DCLK2: variants seen among roughly 807,000 people sequenced by gnomAD.
DCLK2 encodes doublecortin like kinase 2.
A neutral mutation model predicts 78.4 loss-of-function variants in DCLK2; 31 were observed. That is an observed-to-expected ratio of 0.40 (90% confidence interval 0.30 to 0.53). The LOEUF is 0.53. Ranked by LOEUF, DCLK2 falls within the 20% of genes least tolerant of loss-of-function variation. The pLI, the probability that DCLK2 is intolerant of heterozygous loss-of-function variation, is 0.61. For synonymous variants in DCLK2, 407 were observed against 374.9 expected, an observed-to-expected ratio of 1.09 and a Z score of -0.99; for missense variants, 872 against 973.7, an observed-to-expected ratio of 0.90 and a Z score of 1.39.
chr4:150,151,826 G>A (rs1734916582), intron 2 of DCLK2, among the ~76,000 whole-genome samples: 1 of 152,098 alleles, frequency 6.6e-6, no homozygotes, highest in South Asian at 2.1e-4. Flanking sequence ...TCGGGAGGCT[G>A]AGGCAGGAGA....
chr4:150,181,958 T>A (rs1056874284), intron 2 of DCLK2, among the ~76,000 whole-genome samples: 1 of 152,204 alleles, frequency 6.6e-6, no homozygotes, highest in Non-Finnish European at 1.5e-5. Flanking sequence ...AATTTGTTTA[T>A]CTGGTTGTTG....
At position 150,079,324 on chromosome 4, in the gene DCLK2, C is replaced by G. The variant is rs61744627; in HGVS notation, c.297C>G (p.Phe99Leu). ...TCTCCAGCGACCGCTTCCGGTCCTT[C>G]GATGCGCTCCTCATAGAGCTCACCC... ...FAISSDRFRSFDALLIELTRS... is the reference protein window; with the variant it reads ...FAISSDRFRSLDALLIELTRS... Residue 99 changes from phenylalanine to leucine, a missense_variant, in exon 1 of 16, where the codon TTC becomes TTG. Physicochemically the swap from Phe to Leu is conservative, Grantham distance 22. Around this residue, in one of 3 missense-constraint regions of DCLK2, gnomAD observed 567 missense variants for 593.4 expected, o/e 0.96. Transcript: ENST00000296550. 6.9e-6 allele frequency: 11 copies of G among 1,589,778 alleles called. No homozygotes were observed. In the South Asian group the frequency reaches 1.3e-4, roughly 18 times the overall value.
intron 4 of DCLK2, chr4:150,199,157 C>A: frequency 7.6e-7 from 1 of 1,318,002 alleles, no homozygotes; most frequent in Non-Finnish European, 1.1e-6. Context: ...TTTCCTTTTG[C>A]TCCATTTCCA....
intron 2 of DCLK2, among the ~76,000 whole-genome samples, chr4:150,163,449 T>C (rs1000025310): frequency 7.9e-5 from 12 of 152,214 alleles, no homozygotes; most frequent in African/African-American, 2.4e-4. Flanking sequence ...CATTTAAATA[T>C]CATTCATTCC....
chr4:150,124,894 C>T (rs1732811434), intron 2 of DCLK2, among the ~76,000 whole-genome samples: 1 of 152,166 alleles, frequency 6.6e-6, no homozygotes, highest in Non-Finnish European at 1.5e-5. Context: ...TGAAAAATGT[C>T]AGTATGATTT....
chr4:150,203,730 T>C, intron 4 of DCLK2, 65 bp from the exon 5 acceptor site: 1 of 1,345,978 alleles, frequency 7.4e-7, no homozygotes, highest in South Asian at 1.2e-5. Flanking sequence ...ACCTAGTGTA[T>C]TTATACAGTC....
chr4:150,226,202 C>T (rs1214611521), intron 8 of DCLK2, among the ~76,000 whole-genome samples: 1 of 147,688 alleles, frequency 6.8e-6, no homozygotes, highest in East Asian at 2.0e-4. Context: ...AATGGAAAAT[C>T]CAGGAGGCAA....
intron 2 of DCLK2, among the ~76,000 whole-genome samples, chr4:150,132,753 C>T (rs28665284): frequency 0.15 from 23,501 of 152,096 alleles, 2,256 homozygotes; most frequent in Non-Finnish European, 0.23. Flanking sequence ...CTACTTCACC[C>T]AGCTAATTTT....
At chr4:150,133,855 G>C (rs1485881272) in intron 2 of DCLK2, among the ~76,000 whole-genome samples, 1 of 152,170 alleles carries the variant, frequency 6.6e-6, no homozygotes, top group Admixed American at 6.5e-5. Context: ...GGGAGATGAA[G>C]AGAGTACAGT....
At chr4:150,126,873 C>T (rs190903718) in intron 2 of DCLK2, among the ~76,000 whole-genome samples, 2 of 152,268 alleles carry the variant, frequency 1.3e-5, no homozygotes, top group Non-Finnish European at 2.9e-5. Context: ...CATGGATTTA[C>T]TTGTCATATC....
intron 4 of DCLK2, among the ~76,000 whole-genome samples, chr4:150,198,506 T>C (rs576252247): frequency 1.4e-4 from 21 of 152,222 alleles, no homozygotes; most frequent in Admixed American, 6.5e-5. Context: ...ATGTATTTAC[T>C]TGATATATTT....
At chr4:150,172,607 C>CAAAAAAAAAAAA (rs34267089) in intron 2 of DCLK2, among the ~76,000 whole-genome samples, 1 of 70,152 alleles carries the variant, frequency 1.4e-5, no homozygotes, top group Non-Finnish European at 2.7e-5. Flanking sequence ...GACTCCGTCT[C>CAAAAAAAAAAAA]AAAAAAAAAA....
chr4:150,082,555 A>T (rs1169384374), intron 1 of DCLK2, among the ~76,000 whole-genome samples: 1 of 152,194 alleles, frequency 6.6e-6, no homozygotes, highest in Non-Finnish European at 1.5e-5. Flanking sequence ...AGCACCTTCA[A>T]TTTATTGATT....
At chr4:150,179,762 T>TAA (rs888460768) in intron 2 of DCLK2, among the ~76,000 whole-genome samples, 29 of 152,196 alleles carry the variant, frequency 1.9e-4, no homozygotes, top group Admixed American at 1.3e-4. Flanking sequence ...AAAGTAATGA[T>TAA]AAAAACTGCA....
At chr4:150,125,857 C>G (rs1732887006) in intron 2 of DCLK2, among the ~76,000 whole-genome samples, 1 of 151,978 alleles carries the variant, frequency 6.6e-6, no homozygotes, top group East Asian at 1.9e-4. Context: ...AGCCACTACA[C>G]TCCAGCCTGG....
rs577147515 is a variant in DCLK2, at chr4:150,186,395, G to A, written c.757-6743G>A. On this transcript the variant is annotated intron_variant, in intron 2 of 15. Transcript: ENST00000296550. ...TAGTGTCCAAACAGATATTTTAAAG[G>A]TACTAAGTATTTTATGGGTTCTGTT... Among the ~76,000 whole-genome samples the A allele has an allele frequency of 4.3e-3, 657 of 152,224 alleles. 9 individuals are homozygous for A. Among genetic ancestry groups the A allele is most frequent in the Non-Finnish European group, 3.9e-3 (262 of 68,018 alleles).
chr4:150,085,370 G>A (rs1244695537), intron 1 of DCLK2, among the ~76,000 whole-genome samples: 2 of 152,086 alleles, frequency 1.3e-5, no homozygotes, highest in African/African-American at 2.4e-5. Flanking sequence ...CACGGCACTG[G>A]CATCTGTTGA....
chr4:150,114,446 G>C (rs115346973), intron 2 of DCLK2, among the ~76,000 whole-genome samples: 63 of 152,206 alleles, frequency 4.1e-4, no homozygotes, highest in African/African-American at 1.4e-3. Context: ...CAGTCGTCAT[G>C]TTGATTATCA....
chr4:150,117,089 C>A (rs190419684), intron 2 of DCLK2, among the ~76,000 whole-genome samples: 5 of 152,262 alleles, frequency 3.3e-5, no homozygotes, highest in Admixed American at 1.3e-4. Flanking sequence ...TAAGGCAGGA[C>A]TGCACTCTGG....
Sources: allele counts gnomAD v4.1 joint callset (sites outside exome capture counted in the v4.1 genomes callset), GRCh38; gene constraint gnomAD v4.1.1; regional missense constraint gnomAD v4.1.1; transcripts MANE v1.5; gene names NCBI Gene and HGNC (gene_info 2026-07-23, HGNC 2026-07-21).